Variants in SLC22A23 observed in about 807,000 individuals in gnomAD.
SLC22A23 encodes the protein ion transporter protein.
A neutral mutation model predicts 61.0 loss-of-function variants in SLC22A23; 26 were observed. The ratio of observed to expected loss-of-function variants is 0.43; its 90% CI spans 0.31 to 0.59. SLC22A23 has a LOEUF of 0.59. SLC22A23 is among the 20% of genes least tolerant of loss of function. The pLI is 0.11. For synonymous variants in SLC22A23, 430 were observed against 413.9 expected, an observed-to-expected ratio of 1.04 and a Z score of -0.47; for missense variants, 796 against 934.7, an observed-to-expected ratio of 0.85 and a Z score of 1.94.
chr6:3,284,169 G>T (rs1392923688), intron 8 of SLC22A23, 194 bp from the exon 9 acceptor site: 1 of 510,478 alleles, frequency 2.0e-6, no homozygotes, highest in African/African-American at 1.9e-5. Context: ...GGTTTTGTGG[G>T]GCTTCTATGA....
intron 4 of SLC22A23, chr6:3,323,230 A>G (rs1004224872): frequency 2.2e-6 from 1 of 456,260 alleles, no homozygotes; most frequent in African/African-American, 2.0e-5. Context: ...GTAAAGGACC[A>G]GATAGTAAAT....
chr6:3,378,657 C>CTTTTTTTTTTTTTT (rs574704294), intron 3 of SLC22A23, among the ~76,000 whole-genome samples: 17 of 119,100 alleles, frequency 1.4e-4, no homozygotes, highest in South Asian at 2.9e-4. Flanking sequence ...TTTCTTTTTT[C>CTTTTTTTTTTTTTT]TTTTTTTTTT....
intron 3 of SLC22A23, among the ~76,000 whole-genome samples, chr6:3,376,639 C>T (rs562239589): frequency 6.2e-4 from 95 of 152,302 alleles, no homozygotes; most frequent in Non-Finnish European, 1.2e-3. Context: ...TTACATCATT[C>T]GCTTATTTTA....
rs909760768 is a variant in SLC22A23, at chr6:3,276,351, A to G, written c.1704-2939T>C. Among the ~76,000 whole-genome samples, 5 of 152,326 alleles carry G rather than the reference A, an allele frequency of 3.3e-5. No individual in the cohort carries two copies. The East Asian group carries it at 7.7e-4, about 24-fold the overall frequency. On this transcript the variant is annotated intron_variant, in intron 9 of 9. Coordinates refer to ENST00000406686, the MANE Select transcript of SLC22A23 (RefSeq NM_015482.2). ...TTCCCAGCTCCTTCCTGTCCAGCCC[A>G]TGACCAAGTCCTCAGGGCCTCCACT... is the stretch of plus-strand genomic sequence containing the variant.
At chr6:3,294,094 T>G (rs7757345) in intron 5 of SLC22A23, among the ~76,000 whole-genome samples, 53,317 of 151,966 alleles carry the variant, frequency 0.35, 15,655 homozygotes, top group African/African-American at 0.8. Context: ...CACTGAGAGG[T>G]ATCATGGAGT....
chr6:3,366,234 G>C (rs767299892), intron 3 of SLC22A23, among the ~76,000 whole-genome samples: 34 of 149,806 alleles, frequency 2.3e-4, no homozygotes, highest in Non-Finnish European at 1.6e-4. Context: ...TAGGAAGGCT[G>C]AGGCAGGAGA....
intron 3 of SLC22A23, among the ~76,000 whole-genome samples, chr6:3,373,329 T>TCC (rs1484084597): frequency 6.6e-6 from 1 of 152,252 alleles, no homozygotes; most frequent in African/African-American, 2.4e-5. Context: ...GTGTCTGGTT[T>TCC]CCTCTGGACT....
Position 3,273,397 on chromosome 6 carries a change from C to T in SLC22A23, c.1719G>A (p.Gly573=), listed in dbSNP as rs542887775. 7.1e-5 allele frequency: 115 copies of T among 1,612,236 alleles called. No homozygotes were observed. The South Asian group carries it at 1.2e-3, about 17-fold the overall frequency. Residue 573 remains glycine, a synonymous_variant, in exon 10 of 10, where the codon GGG becomes GGA. Transcript: ENST00000406686. The part of the protein sequence containing the change: ...TPTVIRCGGL[G]LVLASAGFGM... ...CGAAGCCCGCGCTGGCCAGCACCAG[C>T]CCCAGCCCGCCACACCTGCAGGGGG...
At chr6:3,396,849 T>G (rs1475955862) in intron 3 of SLC22A23, among the ~76,000 whole-genome samples, 6 of 152,196 alleles carry the variant, frequency 3.9e-5, no homozygotes, top group Admixed American at 2.6e-4. Flanking sequence ...CAATAAAACC[T>G]TGCACTCATT....
chr6:3,393,494 T>C (rs1581806791), intron 3 of SLC22A23, among the ~76,000 whole-genome samples: 1 of 152,324 alleles, frequency 6.6e-6, no homozygotes, highest in Non-Finnish European at 1.5e-5. Context: ...GTAGAGAACA[T>C]TTGCCTTGAT....
rs560055562 is a variant in SLC22A23, at chr6:3,395,949, T to A, written c.913+14239A>T. On this transcript the variant is annotated intron_variant, in intron 3 of 9. Transcript: ENST00000406686. ...TTTGGTTTTATAGTTATTTGGAAGTTACGAGAACTCATGCAAATTCCTTAC... is the reference window on the plus strand; with the variant it reads ...TTTGGTTTTATAGTTATTTGGAAGTAACGAGAACTCATGCAAATTCCTTAC... Among the ~76,000 whole-genome samples, 9 of 152,370 alleles carry A rather than the reference T, an allele frequency of 5.9e-5. No individual in the cohort carries two copies. In the East Asian group the frequency reaches 1.7e-3, roughly 29 times the overall value.
At chr6:3,435,949 G>T (rs994201802) in intron 1 of SLC22A23, among the ~76,000 whole-genome samples, 2 of 152,134 alleles carry the variant, frequency 1.3e-5, no homozygotes, top group African/African-American at 4.8e-5. Flanking sequence ...AGAGAACTCA[G>T]GAGAAACTGA....
At chr6:3,426,964 G>A (rs555505020) in intron 1 of SLC22A23, among the ~76,000 whole-genome samples, 2 of 152,226 alleles carry the variant, frequency 1.3e-5, no homozygotes, top group East Asian at 1.9e-4. Context: ...GAAGGGCATC[G>A]CATGGTAAGC....
chr6:3,294,340 A>C (rs1225695489), intron 5 of SLC22A23, among the ~76,000 whole-genome samples: 1 of 152,200 alleles, frequency 6.6e-6, no homozygotes, highest in Non-Finnish European at 1.5e-5. Context: ...CTGAAGCCTG[A>C]AATGCTCTAA....
intron 1 of SLC22A23, among the ~76,000 whole-genome samples, chr6:3,455,102 A>C (rs1034707325): frequency 6.6e-6 from 1 of 152,228 alleles, no homozygotes; most frequent in African/African-American, 2.4e-5. Flanking sequence ...CTCTGTGTTT[A>C]GGCCTTCACA....
chr6:3,352,484 T>G (rs6909091), intron 3 of SLC22A23, among the ~76,000 whole-genome samples: 3 of 151,780 alleles, frequency 2.0e-5, no homozygotes, highest in African/African-American at 7.3e-5. Context: ...CATACACACA[T>G]AGGCATACTT....
At chr6:3,438,524 G>T (rs1213214187) in intron 1 of SLC22A23, 1 of 456,706 alleles carries the variant, frequency 2.2e-6, no homozygotes, top group South Asian at 1.5e-5. Context: ...TGTGTCCCAC[G>T]GGAGAGCTCC....
chr6:3,379,465 T>C (rs758003233), intron 3 of SLC22A23, among the ~76,000 whole-genome samples: 1 of 152,146 alleles, frequency 6.6e-6, no homozygotes, highest in Non-Finnish European at 1.5e-5. Context: ...TCGAACACCA[T>C]GCAGCAAATT....
chr6:3,446,426 T>C (rs1182833180), intron 1 of SLC22A23, among the ~76,000 whole-genome samples: 2 of 152,268 alleles, frequency 1.3e-5, no homozygotes, highest in Non-Finnish European at 2.9e-5. Flanking sequence ...CAAAGCCAGC[T>C]GAATTTGAAG....
Sources: gnomAD v4.1 joint callset for allele counts (sites outside exome capture counted in the v4.1 genomes callset) on GRCh38, gnomAD v4.1.1 for gene constraint, MANE v1.5 for transcripts, NCBI Gene and HGNC (gene_info 2026-07-23, HGNC 2026-07-21) for gene names.